TIPARP: variants seen among roughly 807,000 people sequenced by gnomAD.
TIPARP encodes TCDD inducible poly(ADP-ribose) polymerase.
In TIPARP, 12 loss-of-function variants were observed where a neutral mutation model predicts 56.5. The observed-to-expected ratio is 0.21, with a 90% confidence interval of 0.14 to 0.34. The LOEUF (loss-of-function observed/expected upper bound fraction) is 0.34, where lower values mean the gene tolerates loss of function less well. TIPARP is among the 10% of genes least tolerant of loss of function. The pLI is 1.00. For synonymous variants in TIPARP, 296 were observed against 265.7 expected, an observed-to-expected ratio of 1.11 and a Z score of -1.11; for missense variants, 604 against 781.6, an observed-to-expected ratio of 0.77 and a Z score of 2.71.
At chr3:156,684,747 T>C (rs1722390953) in intron 2 of TIPARP, among the ~76,000 whole-genome samples, 1 of 152,150 alleles carries the variant, frequency 6.6e-6, no homozygotes, top group African/African-American at 2.4e-5. Flanking sequence ...AAGGAATTTC[T>C]TTAACAAAAC....
chr3:156,687,815 T>C (rs1184598329), intron 2 of TIPARP, among the ~76,000 whole-genome samples: 1 of 152,202 alleles, frequency 6.6e-6, no homozygotes, highest in Non-Finnish European at 1.5e-5. Flanking sequence ...GACATGAGGT[T>C]TGGCACACAG....
chr3:156,687,485 C>A (rs1722459041), intron 2 of TIPARP, among the ~76,000 whole-genome samples: 1 of 152,132 alleles, frequency 6.6e-6, no homozygotes, highest in Non-Finnish European at 1.5e-5. Flanking sequence ...TTAGTAGGTT[C>A]TTTTCCTTAA....
chr3:156,677,527 A>G (rs1722164318), intron 1 of TIPARP, 130 bp from the exon 2 acceptor site: 2 of 622,598 alleles, frequency 3.2e-6, no homozygotes, highest in Non-Finnish European at 5.0e-6. Flanking sequence ...TTGACTTGTA[A>G]AAACTAAATA....
intron 4 of TIPARP, among the ~76,000 whole-genome samples, chr3:156,701,051 G>A (rs887431459): frequency 6.6e-6 from 1 of 152,182 alleles, no homozygotes; most frequent in Admixed American, 6.5e-5. Context: ...GAGTGTTGAA[G>A]CCCATCAGAC....
At chr3:156,693,990 T>G (rs1217283830) in intron 2 of TIPARP, 30 bp from the exon 3 acceptor site, 6 of 1,568,388 alleles carry the variant, frequency 3.8e-6, no homozygotes, top group African/African-American at 1.4e-5. Flanking sequence ...AACAGGTTTT[T>G]GGGTTTTTTT....
rs751301965 is a variant in TIPARP, at chr3:156,678,221, C to T, written c.524C>T (p.Pro175Leu). Residue 175 changes from proline (P) to leucine (L), a missense_variant, in exon 2 of 6, where the codon CCT (proline) becomes CTT (leucine). By Grantham distance (98) the Pro-to-Leu change is moderately conservative (BLOSUM62 -3). This residue lies in a region of TIPARP where 261 missense variants were observed against 279.2 expected (regional missense o/e 0.93). Transcript: ENST00000295924. ...HPVSSDVPTS[P>L]DCLDKVIDYV... Reference sequence around the variant, plus strand: ...GTTTCAAGTGATGTTCCTACTAGTCCTGACTGCTTAGACAAAGTCATAGAT... The same window carrying T: ...GTTTCAAGTGATGTTCCTACTAGTCTTGACTGCTTAGACAAAGTCATAGAT... 66 of 1,613,970 alleles carry T rather than the reference C, an allele frequency of 4.1e-5. No homozygotes were observed. The highest frequency in any genetic ancestry group is 5.3e-5 in the Non-Finnish European group (62 of 1,180,046).
rs1221148557 is a variant in TIPARP at position 156,695,967 on chromosome 3, A to G, written c.1189A>G (p.Arg397Gly). 7 of 1,612,174 alleles carry G rather than the reference A, an allele frequency of 4.3e-6. No individual in the cohort carries two copies. The highest frequency in any genetic ancestry group is 5.9e-6 in the Non-Finnish European group (7 of 1,179,458). Residue 397 changes from arginine to glycine, a missense_variant, in exon 4 of 6, where the codon AGA becomes GGA. Arg to Gly is a moderately radical substitution (Grantham distance 125). Coordinates refer to ENST00000295924, the MANE Select transcript of TIPARP (RefSeq NM_015508.5). ...HYILHNSFFR[R>G]EIKRRPLFRS... is the part of the protein sequence containing the mutation. Reference sequence around the variant, plus strand: ...CATCCTCCACAATTCATTCTTCAGGAGAGAGATAAAAAGGAGACCCCTCTT... The same window carrying G: ...CATCCTCCACAATTCATTCTTCAGGGGAGAGATAAAAAGGAGACCCCTCTT...
chr3:156,696,005 T>C lies in TIPARP; in HGVS notation c.1227T>C (p.Phe409=), dbSNP rs759669552. 6.8e-5 allele frequency: 109 copies of C among 1,608,826 alleles called. No individual in the cohort carries two copies. Among genetic ancestry groups the C allele is most frequent in the Non-Finnish European group, 8.8e-5 (104 of 1,178,606 alleles). The change falls in exon 4 of 6, where the codon TTT becomes TTC. Residue 409 remains phenylalanine, a synonymous_variant. Coordinates refer to ENST00000295924, the MANE Select transcript of TIPARP (RefSeq NM_015508.5). ...GGAGACCCCTCTTCCGCTCCTGTTTTATACTGCTTCCATATTTACAGTAAG... is the reference window on the plus strand; with the variant it reads ...GGAGACCCCTCTTCCGCTCCTGTTTCATACTGCTTCCATATTTACAGTAAG... The part of the protein sequence containing the change: ...IKRRPLFRSC[F]ILLPYLQTLG...
intron 2 of TIPARP, among the ~76,000 whole-genome samples, chr3:156,693,302 A>G (rs1182401431): frequency 2.6e-5 from 4 of 152,218 alleles, no homozygotes; most frequent in African/African-American, 9.6e-5. Flanking sequence ...AAATTATTAA[A>G]TGAGTCTGAT....
chr3:156,685,085 A>C (rs1722399122), intron 2 of TIPARP, among the ~76,000 whole-genome samples: 1 of 152,238 alleles, frequency 6.6e-6, no homozygotes, highest in African/African-American at 2.4e-5. Context: ...CTTGAGCTAA[A>C]TATAATCAAT....
At chr3:156,693,411 A>G (rs184105867) in intron 2 of TIPARP, among the ~76,000 whole-genome samples, 1 of 152,336 alleles carries the variant, frequency 6.6e-6, no homozygotes, top group East Asian at 1.9e-4. Flanking sequence ...ATATTCTCAA[A>G]GCTAAACCTC....
At chr3:156,679,692 A>G (rs1202795617) in intron 2 of TIPARP, among the ~76,000 whole-genome samples, 1 of 152,218 alleles carries the variant, frequency 6.6e-6, no homozygotes, top group African/African-American at 2.4e-5. Context: ...GATGACCCAT[A>G]TTGGAGGGGA....
intron 1 of TIPARP, chr3:156,675,096 C>T (rs541414289): frequency 6.6e-6 from 1 of 152,386 alleles, no homozygotes; most frequent in East Asian, 1.9e-4. Flanking sequence ...CCCCGTTCGT[C>T]AGGGTGGGGG....
chr3:156,678,214 A>G lies in TIPARP; in HGVS notation c.517A>G (p.Thr173Ala), dbSNP rs1722200845. The change falls in exon 2 of 6, where the codon ACT (threonine) becomes GCT (alanine). Residue 173 changes from threonine to alanine, a missense_variant. Thr to Ala is a moderately conservative substitution (Grantham distance 58, BLOSUM62 0). Around this residue, in one of 4 missense-constraint regions of TIPARP, gnomAD observed 261 missense variants for 279.2 expected, o/e 0.93. Transcript: ENST00000295924. ...LLHPVSSDVP[T>A]SPDCLDKVID... The stretch of plus-strand genomic sequence containing the variant: ...GCACCCAGTTTCAAGTGATGTTCCT[A>G]CTAGTCCTGACTGCTTAGACAAAGT... 3.1e-6 allele frequency: 5 copies of G among 1,613,988 alleles called. No homozygotes were observed. The African/African-American group carries it at 4.0e-5, about 13-fold the overall frequency.
chr3:156,696,130 C>T, intron 4 of TIPARP, 105 bp downstream of exon 4: 1 of 1,183,912 alleles, frequency 8.4e-7, no homozygotes, highest in Non-Finnish European at 1.2e-6. Flanking sequence ...GGTTAGTACT[C>T]CTAGAATGTG....
In TIPARP at chr3:156,703,495, C is replaced by T; in HGVS notation, c.1319C>T (p.Pro440Leu). Residue 440 changes from proline to leucine, a missense_variant, in exon 5 of 6, where the codon CCA (proline) becomes CTA (leucine). Pro to Leu is a moderately conservative substitution (Grantham distance 98). This residue lies in a region of TIPARP where 252 missense variants were observed against 303.9 expected (regional missense o/e 0.83). Transcript: ENST00000295924. ...EATSSSQIIC[P>L]DGVTSANFYP... The stretch of plus-strand genomic sequence containing the variant: ...ACTTCATCATCACAAATTATCTGCC[C>T]AGATGGGGTCACTTCAGCAAACTTT... 6.2e-7 allele frequency: 1 copy of T among 1,614,188 alleles called. No homozygotes were observed. Among genetic ancestry groups the T allele is most frequent in the Non-Finnish European group, 8.5e-7 (1 of 1,180,030 alleles).
chr3:156,677,071 A>G (rs1722148788), intron 1 of TIPARP, among the ~76,000 whole-genome samples: 3 of 152,240 alleles, frequency 2.0e-5, no homozygotes. Context: ...TTCTGAATAT[A>G]GAAATGCTTA....
At chr3:156,698,888 G>A (rs761496050) in intron 4 of TIPARP, among the ~76,000 whole-genome samples, 5 of 152,276 alleles carry the variant, frequency 3.3e-5, no homozygotes, top group African/African-American at 9.6e-5. Context: ...TAAGAACATC[G>A]TGATTCATGG....
chr3:156,694,041 T>C lies in TIPARP; in HGVS notation c.939T>C (p.Asp313=). ...MKYGGQEFWA[D]LNAMNVYETT... Reference sequence around the variant, plus strand: ...TTAGAGGACAAGAATTTTGGGCAGATTTGAATGCCATGAACGTGTATGAAA... The same window carrying C: ...TTAGAGGACAAGAATTTTGGGCAGACTTGAATGCCATGAACGTGTATGAAA... Residue 313 remains aspartate (D), a synonymous_variant, in exon 3 of 6, where the codon GAT becomes GAC. Transcript: ENST00000295924. 6.2e-7 allele frequency: 1 copy of C among 1,603,328 alleles called. No individual in the cohort carries two copies. Among genetic ancestry groups the C allele is most frequent in the Non-Finnish European group, 8.5e-7 (1 of 1,176,718 alleles).
Sources: allele counts gnomAD v4.1 joint callset (sites outside exome capture counted in the v4.1 genomes callset), GRCh38; gene constraint gnomAD v4.1.1; regional missense constraint gnomAD v4.1.1; transcripts MANE v1.5; gene names NCBI Gene and HGNC (gene_info 2026-07-23, HGNC 2026-07-21).